SPCS3: variants seen among roughly 807,000 people sequenced by gnomAD.
The protein encoded by SPCS3 is SPase 22 kDa subunit.
SPCS3 carries 9 observed loss-of-function variants against 17.2 expected under a neutral mutation model. The observed-to-expected ratio is 0.52, with a 90% CI of 0.31 to 0.91. SPCS3 has a LOEUF of 0.91. SPCS3 is among the 40% of genes least tolerant of loss of function. SPCS3 has a pLI of 0.04. For missense variants in SPCS3, 139 were observed against 217.5 expected, an observed-to-expected ratio of 0.64 and a Z score of 2.27; for synonymous variants, 87 against 89.6, an observed-to-expected ratio of 0.97 and a Z score of 0.16.
In SPCS3 at chr4:176,324,855, C is replaced by T. The variant is rs138886829; in HGVS notation, c.294+598C>T. On this transcript the variant is annotated intron_variant, in intron 3 of 4. Coordinates refer to ENST00000503362, the MANE Select transcript of SPCS3 (RefSeq NM_021928.4). ...TGGAGCTCATACTTGTATTCCTCTTCTGAGCTGCTGTGTCACACTGAAGGA... is the reference window on the plus strand; with the variant it reads ...TGGAGCTCATACTTGTATTCCTCTTTTGAGCTGCTGTGTCACACTGAAGGA... Among the ~76,000 whole-genome samples, 1,066 of 152,204 alleles carry T rather than the reference C, an allele frequency of 7.0e-3. 6 individuals carry two copies. The highest frequency in any genetic ancestry group is 0.012 in the Non-Finnish European group (829 of 68,010).
intron 3 of SPCS3, among the ~76,000 whole-genome samples, chr4:176,325,296 C>T (rs960068999): frequency 3.3e-5 from 5 of 151,874 alleles, no homozygotes; most frequent in East Asian, 1.9e-4. Context: ...TCAGGTCATC[C>T]GCATGCCTCG....
rs965785631 is a variant in SPCS3 at position 176,332,062 on chromosome 4, T to C, written c.*3732T>C. On this transcript the variant is annotated 3_prime_UTR_variant, in exon 5 of 5. Coordinates refer to ENST00000503362, the MANE Select transcript of SPCS3 (RefSeq NM_021928.4). ...AGTCTAGTAGGTTTTTTCTTTTTTT[T>C]TGTGGGGGTGGGATGGGGGAGGTTA... 4.6e-5 allele frequency: 7 copies of C among 152,294 alleles called. No homozygotes were observed. Among genetic ancestry groups the C allele is most frequent in the Non-Finnish European group, 8.8e-5 (6 of 68,128 alleles). The allele number at this position is 152,294 out of a possible 1,614,324, so 9.4% of individuals were successfully genotyped here.
In SPCS3 at chr4:176,327,158, A is replaced by G. The variant is rs1731618245; in HGVS notation, c.295-4A>G. On this transcript the variant is annotated splice_polypyrimidine_tract_variant and splice_region_variant and intron_variant, in intron 3 of 4. Transcript: ENST00000503362. Reference sequence around the variant, plus strand: ...TTATCTAATTAATTTTCATTTTAATATAGGCTCTGAACCAAGTTGTCCTAT... The same window carrying G: ...TTATCTAATTAATTTTCATTTTAATGTAGGCTCTGAACCAAGTTGTCCTAT... 3.9e-6 allele frequency: 6 copies of G among 1,528,582 alleles called. No individual in the cohort carries two copies. Among genetic ancestry groups the G allele is most frequent in the South Asian group, 2.5e-5 (2 of 79,334 alleles). 94.7% of individuals were successfully genotyped at this position (1,528,582 alleles called of 1,614,324 possible). A position where few individuals can be genotyped will look rare whatever the true frequency, so the allele number is the denominator to read the frequency against.
rs1407571624 is a variant in SPCS3, at chr4:176,330,597, A to G, written c.*2267A>G. The G allele has an allele frequency of 1.3e-5, 2 of 152,116 alleles. No individual in the cohort carries two copies. The highest frequency in any genetic ancestry group is 2.4e-5 in the African/African-American group (1 of 41,368). The allele number at this position is 152,116 out of a possible 1,614,324, so 9.4% of individuals were successfully genotyped here. Reference sequence around the variant, plus strand: ...AGAAAAAGAATGCTCCAACATGGGAATAAGGACCTTCAGTCTCAGGAACTC... The same window carrying G: ...AGAAAAAGAATGCTCCAACATGGGAGTAAGGACCTTCAGTCTCAGGAACTC... On this transcript the variant is annotated 3_prime_UTR_variant, in exon 5 of 5. Transcript: ENST00000503362.
intron 1 of SPCS3, chr4:176,320,765 G>C (rs548776765): frequency 6.6e-6 from 1 of 152,470 alleles, no homozygotes; most frequent in East Asian, 1.9e-4. Context: ...TACAGTTGTT[G>C]CCTTTGCACC....
chr4:176,330,682 T>TC lies in SPCS3; in HGVS notation c.*2353dup, dbSNP rs1194484167. ...ACTTGTGTTCAGTTTGATAACCAGTTCATTTGCTTTAGTCTCAGTGTTTTA... is the reference window on the plus strand; with the variant it reads ...ACTTGTGTTCAGTTTGATAACCAGTTCCATTTGCTTTAGTCTCAGTGTTTTA... On this transcript the variant is annotated 3_prime_UTR_variant, in exon 5 of 5. Coordinates refer to ENST00000503362, the MANE Select transcript of SPCS3 (RefSeq NM_021928.4). 6.6e-6 allele frequency: 1 copy of TC among 152,186 alleles called. No homozygotes were observed. The highest frequency in any genetic ancestry group is 2.4e-5 in the African/African-American group (1 of 41,446). 9.4% of individuals were successfully genotyped at this position (152,186 alleles called of 1,614,324 possible). A position where few individuals can be genotyped will look rare whatever the true frequency, so the allele number is the denominator to read the frequency against.
At chr4:176,321,385 T>G (rs13123659) in intron 1 of SPCS3, 31,024 of 151,974 alleles carry the variant, frequency 0.2, 3,290 homozygotes, top group Middle Eastern at 0.27. Flanking sequence ...ATACCTAATT[T>G]TTAGGTTGTG....
intron 3 of SPCS3, among the ~76,000 whole-genome samples, chr4:176,325,019 T>G (rs1001960493): frequency 5.3e-5 from 8 of 151,600 alleles, no homozygotes; most frequent in Non-Finnish European, 1.2e-4. Flanking sequence ...CCGGTAGTAT[T>G]GCCACCACTC....
chr4:176,328,153 C>T, intron 4 of SPCS3, 45 bp from the exon 5 acceptor site: 1 of 1,593,112 alleles, frequency 6.3e-7, no homozygotes, highest in Non-Finnish European at 8.5e-7. Context: ...TTTTTTTGAA[C>T]TACTAGTGTC....
chr4:176,331,980 T>C lies in SPCS3; in HGVS notation c.*3650T>C, dbSNP rs1236061435. 1.3e-5 allele frequency: 2 copies of C among 152,244 alleles called. No individual in the cohort carries two copies. The highest frequency in any genetic ancestry group is 2.9e-5 in the Non-Finnish European group (2 of 68,054). The allele number at this position is 152,244 out of a possible 1,614,324, so 9.4% of individuals were successfully genotyped here. A position where few individuals can be genotyped will look rare whatever the true frequency, so the allele number is the denominator to read the frequency against. On this transcript the variant is annotated 3_prime_UTR_variant, in exon 5 of 5. Coordinates refer to ENST00000503362, the MANE Select transcript of SPCS3 (RefSeq NM_021928.4). ...GTAAAAGTATGCATTTTAAAAGACT[T>C]TCAGATTTATGCTTTTTACGTGAAG...
chr4:176,329,991 A>T lies in SPCS3; in HGVS notation c.*1661A>T, dbSNP rs1731662352. 6.6e-6 allele frequency: 1 copy of T among 152,192 alleles called. No individual in the cohort carries two copies. The highest frequency in any genetic ancestry group is 6.5e-5 in the Admixed American group (1 of 15,280). 9.4% of individuals were successfully genotyped at this position (152,192 alleles called of 1,614,324 possible). On this transcript the variant is annotated 3_prime_UTR_variant, in exon 5 of 5. Coordinates refer to ENST00000503362, the MANE Select transcript of SPCS3 (RefSeq NM_021928.4). ...GAAAGGTCAAAGGTACCTGAATGCT[A>T]AACTGCCTGGCTCCCAGCTTTTTCA...
At position 176,322,215 on chromosome 4, in the gene SPCS3, G is replaced by T. The variant is rs12504337; in HGVS notation, c.189G>T (p.Leu63=). Reference sequence around the variant, plus strand: ...CTGGACCTAGAGAAAGAAGTGATCTGGGATTTATCACATTTGATATAACTG... The same window carrying T: ...CTGGACCTAGAGAAAGAAGTGATCTTGGATTTATCACATTTGATATAACTG... ...DFTGPRERSD[L]GFITFDITAD... Residue 63 remains leucine, a synonymous_variant, in exon 2 of 5, where the codon CTG becomes CTT. Transcript: ENST00000503362. The T allele has an allele frequency of 0.026, 42,419 of 1,604,682 alleles. 765 individuals are homozygous for T. The highest frequency in any genetic ancestry group is 0.079 in the African/African-American group (5,871 of 74,650).
intron 3 of SPCS3, 55 bp downstream of exon 3, chr4:176,324,312 C>T (rs533096025): frequency 5.1e-6 from 4 of 790,264 alleles, no homozygotes; most frequent in Admixed American, 4.7e-5. Context: ...TTACTCTTTA[C>T]GAAAGAATAC....
rs2127002629 is a variant in SPCS3, at chr4:176,328,862, T to G, written c.*532T>G. 1 of 152,306 alleles carries G rather than the reference T, an allele frequency of 6.6e-6. No homozygotes were observed. Among genetic ancestry groups the G allele is most frequent in the Non-Finnish European group, 1.5e-5 (1 of 67,998 alleles). 9.4% of individuals were successfully genotyped at this position (152,306 alleles called of 1,614,324 possible). On this transcript the variant is annotated 3_prime_UTR_variant, in exon 5 of 5. Coordinates refer to ENST00000503362, the MANE Select transcript of SPCS3 (RefSeq NM_021928.4). ...TAAAAAAGCCAAAAGTGATGGAATT[T>G]ATTCCATTTGTCTTAGGAAGGCCCA...
chr4:176,326,330 A>G (rs893577346), intron 3 of SPCS3, among the ~76,000 whole-genome samples: 2 of 152,136 alleles, frequency 1.3e-5, no homozygotes, highest in Non-Finnish European at 2.9e-5. Context: ...TAACTGCTCT[A>G]CATTTCTTTT....
In SPCS3 at chr4:176,329,736, C is replaced by T. The variant is rs769233896; in HGVS notation, c.*1406C>T. 6.6e-6 allele frequency: 1 copy of T among 151,812 alleles called. No homozygotes were observed. The highest frequency in any genetic ancestry group is 2.4e-5 in the African/African-American group (1 of 41,340). The allele number at this position is 151,812 out of a possible 1,614,324, so 9.4% of individuals were successfully genotyped here. A position where few individuals can be genotyped will look rare whatever the true frequency, so the allele number is the denominator to read the frequency against. ...GGACAAATAAACATCCTCAAAGTAG[C>T]AACTGCAAATCAGTTACCCTTAGAA... On this transcript the variant is annotated 3_prime_UTR_variant, in exon 5 of 5. Transcript: ENST00000503362.
At chr4:176,322,329 C>CT in intron 2 of SPCS3, 86 bp downstream of exon 2, 2 of 918,164 alleles carry the variant, frequency 2.2e-6, no homozygotes, top group Admixed American at 4.7e-5. Context: ...TACAGTGTGA[C>CT]TATCTCATTG....
In SPCS3 at chr4:176,320,002, G is replaced by T; in HGVS notation, c.-75G>T. On this transcript the variant is annotated 5_prime_UTR_variant, in exon 1 of 5. Coordinates refer to ENST00000503362, the MANE Select transcript of SPCS3 (RefSeq NM_021928.4). Reference sequence around the variant, plus strand: ...GCGCGCACCGCAGACGGCGCGGATCGCAGGGAGCCGGTCCGCCGCCGGAAC... The same window carrying T: ...GCGCGCACCGCAGACGGCGCGGATCTCAGGGAGCCGGTCCGCCGCCGGAAC... 7.2e-7 allele frequency: 1 copy of T among 1,395,480 alleles called. No individual in the cohort carries two copies. The highest frequency in any genetic ancestry group is 9.4e-7 in the Non-Finnish European group (1 of 1,061,236). 86.4% of individuals were successfully genotyped at this position (1,395,480 alleles called of 1,614,324 possible).
chr4:176,320,267 G>A lies in SPCS3; in HGVS notation c.143+48G>A, dbSNP rs1265869944. Reference sequence around the variant, plus strand: ...TGCAGGACGCCGGGACCGGGCTGGGGCGGAAGCCGAAGCCGGGCCGCCGCG... The same window carrying A: ...TGCAGGACGCCGGGACCGGGCTGGGACGGAAGCCGAAGCCGGGCCGCCGCG... On this transcript the variant is annotated intron_variant, in intron 1 of 4. Coordinates refer to ENST00000503362, the MANE Select transcript of SPCS3 (RefSeq NM_021928.4). The A allele has an allele frequency of 2.9e-6, 4 of 1,365,446 alleles. No homozygotes were observed. The African/African-American group carries it at 6.1e-5, about 21-fold the overall frequency. The allele number at this position is 1,365,446 out of a possible 1,614,324, so 84.6% of individuals were successfully genotyped here.
Sources: allele counts gnomAD v4.1 joint callset (sites outside exome capture counted in the v4.1 genomes callset), GRCh38; gene constraint gnomAD v4.1.1; transcripts MANE v1.5; gene names NCBI Gene and HGNC (gene_info 2026-07-23, HGNC 2026-07-21).